Variants in ZBTB44 observed in about 807,000 individuals in gnomAD.
ZBTB44 encodes zinc finger and BTB domain-containing protein 44.
ZBTB44 carries 15 observed loss-of-function variants against 54.0 expected under a neutral mutation model. That is an observed-to-expected ratio of 0.28 (90% CI 0.19 to 0.43). ZBTB44 has a LOEUF of 0.43. ZBTB44 is among the 20% of genes least tolerant of loss of function. The probability of loss-of-function intolerance (pLI) is 1.00; values close to 1 mark genes in which losing one functional copy is unlikely to be tolerated. For synonymous variants in ZBTB44, 230 were observed against 250.1 expected (o/e 0.92, Z 0.76); for missense variants, 487 against 707.1 (o/e 0.69, Z 3.53).
intron 1 of ZBTB44, among the ~76,000 whole-genome samples, chr11:130,276,253 A>AG (rs1940084794): frequency 6.6e-6 from 1 of 150,754 alleles, no homozygotes; most frequent in East Asian, 1.9e-4. Flanking sequence ...AAAAGAAAAA[A>AG]GAAATCAGAG....
At chr11:130,235,857 C>T (rs548318201) in intron 5 of ZBTB44, among the ~76,000 whole-genome samples, 1 of 151,664 alleles carries the variant, frequency 6.6e-6, no homozygotes, top group Non-Finnish European at 1.5e-5. Flanking sequence ...CAAATATTAG[C>T]TGGGTGTAGT....
At chr11:130,292,679 G>C (rs997247661) in intron 1 of ZBTB44, among the ~76,000 whole-genome samples, 2 of 152,068 alleles carry the variant, frequency 1.3e-5, no homozygotes, top group Non-Finnish European at 2.9e-5. Context: ...ATATAAATTA[G>C]TATTTTAAGA....
chr11:130,268,889 AAGAGAGAG>A (rs201442481), intron 1 of ZBTB44, among the ~76,000 whole-genome samples: 2 of 150,424 alleles, frequency 1.3e-5, no homozygotes, highest in African/African-American at 4.9e-5. Flanking sequence ...CTCAAATTTT[AAGAGAGAG>A]AGAGAGAGAA....
Position 130,226,783 on chromosome 11 carries a change from C to T in ZBTB44, c.*4981G>A, listed in dbSNP as rs1953706252. 1 of 152,236 alleles carries T rather than the reference C, an allele frequency of 6.6e-6. No individual in the cohort carries two copies. The highest frequency in any genetic ancestry group is 2.1e-4 in the South Asian group (1 of 4,814). 9.4% of individuals were successfully genotyped at this position (152,236 alleles called of 1,614,324 possible). A position where few individuals can be genotyped will look rare whatever the true frequency, so the allele number is the denominator to read the frequency against. On this transcript the variant is annotated 3_prime_UTR_variant, in exon 8 of 8. Coordinates refer to ENST00000357899, the MANE Select transcript of ZBTB44 (RefSeq NM_001301098.2). ...CACTCAAAACTAGTTTTTCCCTGCC[C>T]ATCCCTTTCCTAACTGCAACTTTAT...
At chr11:130,243,583 T>C (rs1436809887) in intron 2 of ZBTB44, among the ~76,000 whole-genome samples, 1 of 152,196 alleles carries the variant, frequency 6.6e-6, no homozygotes, top group Non-Finnish European at 1.5e-5. Flanking sequence ...CCCCTGGAGT[T>C]TGGAGGACAG....
rs780895256 is a variant in ZBTB44, at chr11:130,261,913, A to G, written c.-40T>C. The G allele has an allele frequency of 7.9e-6, 12 of 1,528,044 alleles. No individual in the cohort carries two copies. The highest frequency in any genetic ancestry group is 1.1e-5 in the Non-Finnish European group (12 of 1,140,434). The allele number at this position is 1,528,044 out of a possible 1,614,324, so 94.7% of individuals were successfully genotyped here. On this transcript the variant is annotated 5_prime_UTR_variant, in exon 2 of 8. Transcript: ENST00000357899. The surrounding 1 kb of genome is among the most constrained non-coding windows in gnomAD (Gnocchi z 4.8). Reference sequence around the variant, plus strand: ...TCTACAGATGCTCTTCAAGGATGCAAATAAATCAGAAATGTCCTAAAAAAT... The same window carrying G: ...TCTACAGATGCTCTTCAAGGATGCAGATAAATCAGAAATGTCCTAAAAAAT...
At chr11:130,250,229 G>C (rs1374559675) in intron 2 of ZBTB44, among the ~76,000 whole-genome samples, 1 of 152,194 alleles carries the variant, frequency 6.6e-6, no homozygotes, top group Non-Finnish European at 1.5e-5. Flanking sequence ...TCTTCATTGG[G>C]CAGGGCATCT....
At position 130,233,291 on chromosome 11, in the gene ZBTB44, A is replaced by C; in HGVS notation, c.*48+17T>G. 2 of 1,503,322 alleles carry C rather than the reference A, an allele frequency of 1.3e-6. No homozygotes were observed. Among genetic ancestry groups the C allele is most frequent in the Non-Finnish European group, 1.8e-6 (2 of 1,131,678 alleles). The allele number at this position is 1,503,322 out of a possible 1,614,324, so 93.1% of individuals were successfully genotyped here. On this transcript the variant is annotated intron_variant, in intron 7 of 7. Transcript: ENST00000357899. ...AGCAGTATGAGAAGAGTTCCTATGA[A>C]GCTGGGATTTACATACTTCATTCTC... is the stretch of plus-strand genomic sequence containing the variant.
chr11:130,312,132 T>A (rs1942643893), intron 1 of ZBTB44, among the ~76,000 whole-genome samples: 1 of 152,192 alleles, frequency 6.6e-6, no homozygotes, highest in South Asian at 2.1e-4. Flanking sequence ...AACAATAGTT[T>A]ACCTGCACTT....
At chr11:130,280,907 T>C (rs1940453155) in intron 1 of ZBTB44, among the ~76,000 whole-genome samples, 1 of 152,160 alleles carries the variant, frequency 6.6e-6, no homozygotes, top group African/African-American at 2.4e-5. Flanking sequence ...TTTAATAGGA[T>C]TGGTGGGAAT....
At chr11:130,302,734 G>A (rs925729151) in intron 1 of ZBTB44, among the ~76,000 whole-genome samples, 1 of 152,226 alleles carries the variant, frequency 6.6e-6, no homozygotes, top group Non-Finnish European at 1.5e-5. Flanking sequence ...AACACTTTGG[G>A]AGGCTGAGGC....
rs79167486 is a variant in ZBTB44, at chr11:130,260,538, T to C, written c.1018+318A>G. On this transcript the variant is annotated intron_variant, in intron 2 of 7. Coordinates refer to ENST00000357899, the MANE Select transcript of ZBTB44 (RefSeq NM_001301098.2). ...TGTGTTTTTCTTTATGTATCATAAA[T>C]GTTTGCTTGGCACATGGTAAGTTTT... Among the ~76,000 whole-genome samples, 370 of 152,368 alleles carry C rather than the reference T, an allele frequency of 2.4e-3. 3 individuals are homozygous for C. The highest frequency in any genetic ancestry group is 8.5e-3 in the African/African-American group (354 of 41,592).
intron 1 of ZBTB44, among the ~76,000 whole-genome samples, chr11:130,284,615 T>C (rs2134301917): frequency 6.6e-6 from 1 of 152,214 alleles, no homozygotes; most frequent in Admixed American, 6.5e-5. Flanking sequence ...ACCCCTGTAA[T>C]TCCAGCACTT....
At chr11:130,244,228 C>T (rs1954527083) in intron 2 of ZBTB44, among the ~76,000 whole-genome samples, 1 of 152,112 alleles carries the variant, frequency 6.6e-6, no homozygotes, top group Admixed American at 6.5e-5. Context: ...GGACAGTAGA[C>T]TCAAACAACC....
At chr11:130,290,069 G>A (rs1302043162) in intron 1 of ZBTB44, among the ~76,000 whole-genome samples, 1 of 152,190 alleles carries the variant, frequency 6.6e-6, no homozygotes, top group Non-Finnish European at 1.5e-5. Context: ...GGAATGGGGA[G>A]ATTATCCCAG....
chr11:130,271,726 TA>T (rs1468845644), intron 1 of ZBTB44, among the ~76,000 whole-genome samples: 3 of 152,196 alleles, frequency 2.0e-5, no homozygotes, highest in African/African-American at 7.2e-5. Context: ...ATCTACAGGT[TA>T]ATGGACACGA....
intron 1 of ZBTB44, among the ~76,000 whole-genome samples, chr11:130,306,627 A>G (rs518533): frequency 0.56 from 85,580 of 152,060 alleles, 27,645 homozygotes; most frequent in South Asian, 0.7. Flanking sequence ...ACAGCAGCAC[A>G]ATTCACAATT....
chr11:130,282,794 C>T (rs1045128919), intron 1 of ZBTB44, among the ~76,000 whole-genome samples: 8 of 152,100 alleles, frequency 5.3e-5, no homozygotes, highest in Non-Finnish European at 8.8e-5. Context: ...TATTTAGCCA[C>T]GACACACGAC....
intron 5 of ZBTB44, among the ~76,000 whole-genome samples, chr11:130,235,391 G>A (rs1380224437): frequency 6.6e-6 from 1 of 152,172 alleles, no homozygotes; most frequent in Admixed American, 6.5e-5. Context: ...ATAACCTAAG[G>A]TTTAGTGATA....
Sources: gnomAD v4.1 joint callset for allele counts (sites outside exome capture counted in the v4.1 genomes callset) on GRCh38, gnomAD v4.1.1 for gene constraint, Gnocchi (gnomAD v3.1) non-coding constraint, MANE v1.5 for transcripts, NCBI Gene and HGNC (gene_info 2026-07-23, HGNC 2026-07-21) for gene names.